ERC2: variants seen among roughly 807,000 people sequenced by gnomAD.
The protein encoded by ERC2 is ELKS/RAB6-interacting/CAST family member 2.
A neutral mutation model predicts 114.8 loss-of-function variants in ERC2; 42 were observed. The ratio of observed to expected loss-of-function variants is 0.37; its 90% confidence interval spans 0.29 to 0.47. The LOEUF is 0.47. Ranked by LOEUF, ERC2 falls within the 20% of genes least tolerant of loss-of-function variation. ERC2 has a pLI of 0.99. For missense variants in ERC2, 939 were observed against 1,150.7 expected (o/e 0.82, Z 2.66); for synonymous variants, 454 against 425.5 (o/e 1.07, Z -0.82).
intron 13 of ERC2, among the ~76,000 whole-genome samples, chr3:55,894,209 G>A (rs1212089544): frequency 2.0e-5 from 3 of 151,926 alleles, no homozygotes; most frequent in Admixed American, 2.0e-4. Flanking sequence ...TATTCAATAA[G>A]CACTATTACA....
At chr3:55,898,075 T>A (rs1419862582) in intron 13 of ERC2, among the ~76,000 whole-genome samples, 1 of 152,152 alleles carries the variant, frequency 6.6e-6, no homozygotes, top group Non-Finnish European at 1.5e-5. Flanking sequence ...TAACAAAACT[T>A]CACACCATAA....
chr3:55,532,787 C>A (rs2107284544), intron 17 of ERC2, among the ~76,000 whole-genome samples: 1 of 152,338 alleles, frequency 6.6e-6, no homozygotes, highest in Middle Eastern at 3.4e-3. Flanking sequence ...TTTACTTGTG[C>A]TGTGTTCTCA....
intron 17 of ERC2, among the ~76,000 whole-genome samples, chr3:55,681,568 T>G (rs1282164356): frequency 6.6e-6 from 1 of 152,188 alleles, no homozygotes; most frequent in Non-Finnish European, 1.5e-5. Flanking sequence ...TTTAAATCCT[T>G]AAAGATATGG....
intron 6 of ERC2, among the ~76,000 whole-genome samples, chr3:56,092,968 A>G (rs2077873525): frequency 6.6e-6 from 1 of 152,220 alleles, no homozygotes; most frequent in Non-Finnish European, 1.5e-5. Flanking sequence ...ATCACAGATA[A>G]TTTAGTACTA....
chr3:56,219,448 G>C (rs1306282488), intron 3 of ERC2, among the ~76,000 whole-genome samples: 1 of 152,096 alleles, frequency 6.6e-6, no homozygotes, highest in African/African-American at 2.4e-5. Flanking sequence ...ACTGTGCAGG[G>C]GCTAGGTGTA....
At chr3:55,793,823 T>C (rs2070255876) in intron 14 of ERC2, among the ~76,000 whole-genome samples, 2 of 152,144 alleles carry the variant, frequency 1.3e-5, no homozygotes, top group Admixed American at 6.5e-5. Flanking sequence ...ATAGAAAAAC[T>C]TGAATGGTAG....
intron 2 of ERC2, among the ~76,000 whole-genome samples, chr3:56,420,177 CTTTTTTT>C (rs34883402): frequency 2.8e-5 from 2 of 72,292 alleles, no homozygotes; most frequent in African/African-American, 1.1e-4. Flanking sequence ...AGTGGTTATA[CTTTTTTT>C]TTTTTTTTTT....
At chr3:56,030,766 C>T (rs1027078510) in intron 7 of ERC2, among the ~76,000 whole-genome samples, 7 of 152,048 alleles carry the variant, frequency 4.6e-5, no homozygotes, top group African/African-American at 7.2e-5. Flanking sequence ...TTCATGGATG[C>T]GAATTAATCT....
chr3:55,517,485 A>G (rs2052610345), intron 17 of ERC2, among the ~76,000 whole-genome samples: 2 of 151,930 alleles, frequency 1.3e-5, no homozygotes, highest in South Asian at 4.2e-4. Context: ...CAAAAACCTA[A>G]ATGTTTCCTT....
chr3:56,086,487 GTCT>G (rs1159334996), intron 6 of ERC2, among the ~76,000 whole-genome samples: 30 of 149,144 alleles, frequency 2.0e-4, no homozygotes, highest in Non-Finnish European at 3.9e-4. Context: ...GGGCTTCAGG[GTCT>G]TCTTTTTTTT....
At chr3:56,297,310 G>GA (rs993595987) in intron 2 of ERC2, among the ~76,000 whole-genome samples, 14 of 148,482 alleles carry the variant, frequency 9.4e-5, no homozygotes, top group South Asian at 4.3e-4. Context: ...GATAGACATG[G>GA]AAAAAAAAAA....
intron 14 of ERC2, among the ~76,000 whole-genome samples, chr3:55,853,584 G>A (rs1249139472): frequency 2.0e-5 from 3 of 152,078 alleles, no homozygotes; most frequent in African/African-American, 7.2e-5. Context: ...AGTATGAATT[G>A]AATTAGATAT....
chr3:56,459,640 T>A (rs1577063656), intron 1 of ERC2, among the ~76,000 whole-genome samples: 1 of 152,302 alleles, frequency 6.6e-6, no homozygotes, highest in Middle Eastern at 3.4e-3. Flanking sequence ...AAGATGTCTA[T>A]GAACATTGCG....
At chr3:55,807,463 G>T (rs1322089277) in intron 14 of ERC2, among the ~76,000 whole-genome samples, 3 of 152,146 alleles carry the variant, frequency 2.0e-5, no homozygotes, top group Non-Finnish European at 2.9e-5. Context: ...GAGTTCTTCT[G>T]TAAGGGGTTA....
chr3:56,466,662 T>C (rs765726781), intron 1 of ERC2, among the ~76,000 whole-genome samples: 4 of 152,168 alleles, frequency 2.6e-5, no homozygotes, highest in Middle Eastern at 3.2e-3. Context: ...CTTCCAGAAG[T>C]TGAGTTAACT....
intron 2 of ERC2, 84 bp downstream of exon 2, chr3:56,434,267 C>A: frequency 7.6e-7 from 1 of 1,318,512 alleles, no homozygotes; most frequent in Non-Finnish European, 1.0e-6. Flanking sequence ...CTTTCTTCTG[C>A]ACAGGTCGTG....
At chr3:55,971,265 G>A (rs528144934) in intron 12 of ERC2, among the ~76,000 whole-genome samples, 1 of 152,026 alleles carries the variant, frequency 6.6e-6, no homozygotes, top group African/African-American at 2.4e-5. Flanking sequence ...ATTAGAGGGT[G>A]GTGATGGTTG....
intron 2 of ERC2, among the ~76,000 whole-genome samples, chr3:56,376,889 A>AT (rs1392073775): frequency 1.3e-5 from 2 of 152,216 alleles, no homozygotes; most frequent in African/African-American, 4.8e-5. Flanking sequence ...AGAAGTCGCA[A>AT]TACATGGGAG....
Position 55,609,809 on chromosome 3 carries a change from C to T in ERC2, c.*39+73985G>A, listed in dbSNP as rs1477033183. On this transcript the variant is annotated intron_variant, in intron 17 of 17. Coordinates refer to ENST00000288221, the MANE Select transcript of ERC2 (RefSeq NM_015576.3). ...AAAATGATTTTTATCACAAACTAAA[C>T]ATCCTTGTAACTTTTTGGTCCTCTG... Among the ~76,000 whole-genome samples, 3 of 151,992 alleles carry T rather than the reference C, an allele frequency of 2.0e-5. No individual in the cohort carries two copies. In the East Asian group the frequency reaches 5.8e-4, roughly 29 times the overall value.
Sources: gnomAD v4.1 joint callset for allele counts (sites outside exome capture counted in the v4.1 genomes callset) on GRCh38, gnomAD v4.1.1 for gene constraint, MANE v1.5 for transcripts, NCBI Gene and HGNC (gene_info 2026-07-23, HGNC 2026-07-21) for gene names.